PRKG1: variants seen among roughly 807,000 people sequenced by gnomAD.
The protein encoded by PRKG1 is cGMP-dependent protein kinase 1.
A neutral mutation model predicts 88.1 loss-of-function variants in PRKG1; 35 were observed. That is an observed-to-expected ratio of 0.40 (90% confidence interval 0.30 to 0.53). The LOEUF (loss-of-function observed/expected upper bound fraction) is 0.53. Ranked by LOEUF, PRKG1 falls within the 20% of genes least tolerant of loss-of-function variation. The pLI, the probability that PRKG1 is intolerant of heterozygous loss-of-function variation, is 0.59. For missense variants in PRKG1, 540 were observed against 839.8 expected (o/e 0.64, Z 4.41); for synonymous variants, 303 against 292.5 (o/e 1.04, Z -0.37).
At chr10:51,318,325 TGAG>T (rs1287196934) in intron 2 of PRKG1, among the ~76,000 whole-genome samples, 1 of 152,138 alleles carries the variant, frequency 6.6e-6, no homozygotes, top group African/African-American at 2.4e-5. Flanking sequence ...GGATGTAAAA[TGAG>T]GATGATAAAT....
chr10:51,256,296 A>G (rs1271434668), intron 2 of PRKG1, among the ~76,000 whole-genome samples: 2 of 152,086 alleles, frequency 1.3e-5, no homozygotes, highest in Admixed American at 6.6e-5. Flanking sequence ...GATAAAGCCC[A>G]CTTTTTTTTA....
chr10:52,206,909 A>G (rs1839834857), intron 9 of PRKG1, among the ~76,000 whole-genome samples: 1 of 152,226 alleles, frequency 6.6e-6, no homozygotes, highest in Non-Finnish European at 1.5e-5. Context: ...CAGCAGCCAC[A>G]GTGCAGTGGC....
intron 3 of PRKG1, among the ~76,000 whole-genome samples, chr10:51,595,727 T>C (rs1291126695): frequency 2.0e-5 from 3 of 152,102 alleles, no homozygotes; most frequent in Non-Finnish European, 2.9e-5. Flanking sequence ...GAATCATCAC[T>C]CCTCCAGGTA....
intron 3 of PRKG1, among the ~76,000 whole-genome samples, chr10:51,510,138 G>A (rs1165704072): frequency 6.6e-6 from 1 of 152,060 alleles, no homozygotes; most frequent in Non-Finnish European, 1.5e-5. Flanking sequence ...CGTGATCTGT[G>A]AGGAAGAAAA....
At chr10:51,229,174 T>C (rs925427591) in intron 2 of PRKG1, among the ~76,000 whole-genome samples, 1 of 152,140 alleles carries the variant, frequency 6.6e-6, no homozygotes, top group Non-Finnish European at 1.5e-5. Context: ...TTAATATGTC[T>C]CTCCTCCACT....
intron 4 of PRKG1, among the ~76,000 whole-genome samples, chr10:51,849,398 T>C (rs1044464964): frequency 6.6e-6 from 1 of 152,140 alleles, no homozygotes; most frequent in Non-Finnish European, 1.5e-5. Flanking sequence ...TGAATATGGA[T>C]TTTTCCTCCT....
At chr10:51,105,817 C>A (rs1844820436) in intron 1 of PRKG1, among the ~76,000 whole-genome samples, 1 of 152,230 alleles carries the variant, frequency 6.6e-6, no homozygotes. Context: ...GAGGACACAA[C>A]ATTAAACATA....
chr10:51,781,157 T>A (rs1838578293), intron 3 of PRKG1, among the ~76,000 whole-genome samples: 1 of 152,146 alleles, frequency 6.6e-6, no homozygotes, highest in African/African-American at 2.4e-5. Context: ...TTGATATAAT[T>A]TTCTTTTATT....
chr10:51,640,862 G>A (rs1839781633), intron 3 of PRKG1, among the ~76,000 whole-genome samples: 1 of 152,112 alleles, frequency 6.6e-6, no homozygotes, highest in South Asian at 2.1e-4. Flanking sequence ...TAAAAGACAT[G>A]ACTTTGGAAT....
intron 1 of PRKG1, among the ~76,000 whole-genome samples, chr10:51,031,006 A>G (rs914391671): frequency 1.3e-5 from 2 of 152,138 alleles, no homozygotes; most frequent in African/African-American, 4.8e-5. Flanking sequence ...TTTTTTTACT[A>G]GTTAGAGATT....
chr10:51,435,674 A>G (rs2132735090), intron 2 of PRKG1, among the ~76,000 whole-genome samples: 1 of 152,056 alleles, frequency 6.6e-6, no homozygotes, highest in South Asian at 2.1e-4. Flanking sequence ...ATCATGACTG[A>G]CTGTACTGGA....
chr10:51,946,438 C>T (rs1843036697), intron 5 of PRKG1, among the ~76,000 whole-genome samples: 1 of 152,038 alleles, frequency 6.6e-6, no homozygotes, highest in Non-Finnish European at 1.5e-5. Context: ...GTTTGATCGC[C>T]TGAAGCCTTC....
intron 7 of PRKG1, among the ~76,000 whole-genome samples, chr10:52,120,061 G>GAGAGAA (rs896286009): frequency 6.6e-6 from 1 of 151,996 alleles, no homozygotes; most frequent in Non-Finnish European, 1.5e-5. Context: ...GACAGAGAGA[G>GAGAGAA]AGAGAAAGAG....
intron 1 of PRKG1, among the ~76,000 whole-genome samples, chr10:51,150,868 TCAAA>T (rs1199704280): frequency 6.6e-6 from 1 of 152,054 alleles, no homozygotes; most frequent in Admixed American, 6.6e-5. Context: ...AATATCTTCA[TCAAA>T]CAGATTAATA....
chr10:51,997,638 T>G (rs1844484145), intron 5 of PRKG1, among the ~76,000 whole-genome samples: 1 of 152,124 alleles, frequency 6.6e-6, no homozygotes, highest in South Asian at 2.1e-4. Flanking sequence ...TTAGCTAGGT[T>G]TATTCATTCT....
Position 52,113,456 on chromosome 10 carries a change from A to G in PRKG1, c.936-20384A>G, listed in dbSNP as rs141333567. On this transcript the variant is annotated intron_variant, in intron 7 of 17. Transcript: ENST00000373980. Reference sequence around the variant, plus strand: ...GAGGGAAAGAGGGAGTGTAAGGGAAAGAAAATATCTGCTTTTCAAATGAAT... The same window carrying G: ...GAGGGAAAGAGGGAGTGTAAGGGAAGGAAAATATCTGCTTTTCAAATGAAT... Among the ~76,000 whole-genome samples, 1,454 of 152,078 alleles carry G rather than the reference A, an allele frequency of 9.6e-3. 21 individuals are homozygous for G. Among genetic ancestry groups the G allele is most frequent in the African/African-American group, 0.03 (1,231 of 41,532 alleles).
chr10:51,825,621 C>T (rs1036015721), intron 4 of PRKG1, among the ~76,000 whole-genome samples: 9 of 152,292 alleles, frequency 5.9e-5, no homozygotes, highest in African/African-American at 1.7e-4. Flanking sequence ...TGCCTGACAC[C>T]TCACCCTGAG....
At chr10:51,282,195 G>A (rs975438215) in intron 2 of PRKG1, among the ~76,000 whole-genome samples, 1 of 152,170 alleles carries the variant, frequency 6.6e-6, no homozygotes, top group African/African-American at 2.4e-5. Context: ...AGTTTTTTGA[G>A]CTTGGAATAG....
chr10:51,727,464 G>C (rs114955922), intron 3 of PRKG1, among the ~76,000 whole-genome samples: 19 of 151,976 alleles, frequency 1.3e-4, no homozygotes, highest in African/African-American at 4.6e-4. Context: ...GACTGCTATC[G>C]AGTGAAACCA....
Sources: allele counts gnomAD v4.1 joint callset (sites outside exome capture counted in the v4.1 genomes callset), GRCh38; gene constraint gnomAD v4.1.1; transcripts MANE v1.5; gene names NCBI Gene and HGNC (gene_info 2026-07-23, HGNC 2026-07-21).